ZNF438: variants seen among roughly 807,000 people sequenced by gnomAD.
ZNF438 encodes zinc finger protein 438.
A neutral mutation model predicts 38.0 loss-of-function variants in ZNF438; 25 were observed. That is an observed-to-expected ratio of 0.66 (90% CI 0.48 to 0.92). The LOEUF (loss-of-function observed/expected upper bound fraction) is 0.92. Ranked by LOEUF, ZNF438 falls within the 40% of genes least tolerant of loss-of-function variation. The pLI is 0.00. For missense variants in ZNF438, 1,007 were observed against 999.6 expected (o/e 1.01, Z -0.10); for synonymous variants, 372 against 364.1 (o/e 1.02, Z -0.25).
intron 1 of ZNF438, among the ~76,000 whole-genome samples, chr10:30,982,095 CTT>C (rs149729936): frequency 1.5e-4 from 8 of 52,124 alleles, no homozygotes; most frequent in Non-Finnish European, 2.8e-4. Flanking sequence ...TCCTTTTTCT[CTT>C]TCTTTTTTTT....
intron 1 of ZNF438, among the ~76,000 whole-genome samples, chr10:30,957,558 C>G (rs1432618455): frequency 6.6e-6 from 1 of 152,126 alleles, no homozygotes; most frequent in Non-Finnish European, 1.5e-5. Context: ...AAACAGGTAT[C>G]TAGTTTCTGC....
chr10:31,018,318 G>A (rs2056351415), intron 1 of ZNF438, among the ~76,000 whole-genome samples: 1 of 152,112 alleles, frequency 6.6e-6, no homozygotes, highest in African/African-American at 2.4e-5. Flanking sequence ...AACTCTAATT[G>A]CAAACTGGCT....
intron 3 of ZNF438, among the ~76,000 whole-genome samples, chr10:30,900,492 G>A (rs993517436): frequency 1.8e-4 from 27 of 152,178 alleles, no homozygotes; most frequent in Non-Finnish European, 7.3e-5. Context: ...TACAACAGCA[G>A]CAGCAACTAA....
rs150067138 is a variant in ZNF438 at position 30,848,370 on chromosome 10, C to T, written c.1874+161G>A. Among the ~76,000 whole-genome samples the T allele has an allele frequency of 6.1e-4, 93 of 152,220 alleles. 1 individual carries two copies. Among genetic ancestry groups the T allele is most frequent in the Middle Eastern group, 3.4e-3 (1 of 294 alleles). On this transcript the variant is annotated intron_variant, in intron 5 of 5. Coordinates refer to ENST00000413025, the Ensembl canonical transcript of ZNF438. The stretch of plus-strand genomic sequence containing the variant: ...TGGATGATCAGAAACCAGAGAGAAA[C>T]AAGATCATTCTTCACAGATCTAGGA...
At chr10:30,955,038 T>A (rs2048713324) in intron 1 of ZNF438, among the ~76,000 whole-genome samples, 1 of 152,198 alleles carries the variant, frequency 6.6e-6, no homozygotes, top group African/African-American at 2.4e-5. Flanking sequence ...ATGTTTCCTG[T>A]TTCCCTATTT....
At chr10:30,882,951 T>C (rs1398549760) in intron 3 of ZNF438, among the ~76,000 whole-genome samples, 1 of 152,220 alleles carries the variant, frequency 6.6e-6, no homozygotes, top group Non-Finnish European at 1.5e-5. Flanking sequence ...CATTTATTCA[T>C]TTAACAGATG....
intron 2 of ZNF438, among the ~76,000 whole-genome samples, chr10:30,935,308 C>G (rs897251537): frequency 6.6e-6 from 1 of 152,210 alleles, no homozygotes; most frequent in African/African-American, 2.4e-5. Context: ...TTCTTTGGCT[C>G]ATGGTTCTGC....
intron 1 of ZNF438, among the ~76,000 whole-genome samples, chr10:30,947,410 A>G (rs925330942): frequency 1.3e-5 from 2 of 152,250 alleles, no homozygotes; most frequent in Non-Finnish European, 2.9e-5. Context: ...TAAAATCTTA[A>G]AACATTGCTC....
chr10:30,953,638 AT>A (rs1045547536), intron 1 of ZNF438, among the ~76,000 whole-genome samples: 4 of 125,140 alleles, frequency 3.2e-5, no homozygotes, highest in African/African-American at 6.5e-5. Flanking sequence ...AAATATAATA[AT>A]AAAAAAAAAA....
intron 1 of ZNF438, among the ~76,000 whole-genome samples, chr10:30,949,419 A>G (rs191950117): frequency 3.9e-3 from 586 of 148,594 alleles, no homozygotes; most frequent in African/African-American, 0.015. Flanking sequence ...TTAAATGTAA[A>G]TGGACTAAAT....
At chr10:30,857,258 C>CTTTTT (rs10682942) in intron 4 of ZNF438, among the ~76,000 whole-genome samples, 3 of 135,912 alleles carry the variant, frequency 2.2e-5, no homozygotes, top group East Asian at 2.1e-4. Context: ...TCTAAAATTT[C>CTTTTT]TTTTTTTTTT....
chr10:30,883,808 G>C (rs930027262), intron 3 of ZNF438, among the ~76,000 whole-genome samples: 1 of 152,138 alleles, frequency 6.6e-6, no homozygotes, highest in African/African-American at 2.4e-5. Context: ...ATCCCTTGAC[G>C]ACAGGAGGTT....
chr10:30,920,104 T>C lies in ZNF438; in HGVS notation c.-114-11089A>G, dbSNP rs532787174. 5 of 152,346 alleles carry C rather than the reference T, an allele frequency of 3.3e-5. No homozygotes were observed. In the East Asian group the frequency reaches 7.7e-4, roughly 24 times the overall value. 9.4% of individuals were successfully genotyped at this position (152,346 alleles called of 1,614,324 possible). A position where few individuals can be genotyped will look rare whatever the true frequency, so the allele number is the denominator to read the frequency against. On this transcript the variant is annotated intron_variant, in intron 2 of 5. Coordinates refer to ENST00000413025, the Ensembl canonical transcript of ZNF438. Reference sequence around the variant, plus strand: ...CTCTCCTTCTTCATTACTAACATCATTGGCCCGCATGTACTCTCTCTCTCC... The same window carrying C: ...CTCTCCTTCTTCATTACTAACATCACTGGCCCGCATGTACTCTCTCTCTCC...
intron 4 of ZNF438, among the ~76,000 whole-genome samples, chr10:30,857,264 T>C (rs2133035039): frequency 6.6e-6 from 1 of 151,068 alleles, no homozygotes; most frequent in Non-Finnish European, 1.5e-5. Context: ...ATTTCTTTTT[T>C]TTTTTTTTTT....
intron 2 of ZNF438, among the ~76,000 whole-genome samples, chr10:30,911,314 A>C (rs1295056638): frequency 6.6e-6 from 1 of 152,186 alleles, no homozygotes; most frequent in East Asian, 1.9e-4. Context: ...GTCTTTAAAA[A>C]GCCAGTTGAA....
At chr10:30,928,563 A>C (rs926731117) in intron 2 of ZNF438, among the ~76,000 whole-genome samples, 7 of 147,948 alleles carry the variant, frequency 4.7e-5, no homozygotes, top group African/African-American at 1.7e-4. Context: ...CGTTTGGACA[A>C]AAAAAAAAAA....
intron 4 of ZNF438, among the ~76,000 whole-genome samples, chr10:30,863,701 C>A (rs540413643): frequency 2.0e-5 from 3 of 152,304 alleles, no homozygotes; most frequent in African/African-American, 7.2e-5. Flanking sequence ...GCTATGTGTG[C>A]CTGTGAGTGG....
chr10:30,959,345 G>C (rs2049208237), intron 1 of ZNF438, among the ~76,000 whole-genome samples: 1 of 146,578 alleles, frequency 6.8e-6, no homozygotes, highest in South Asian at 2.2e-4. Flanking sequence ...GTCCCCAGCA[G>C]ACTCCCTTCA....
In ZNF438 at chr10:30,960,475, T is replaced by C. The variant is rs1256400122; in HGVS notation, c.-191-18824A>G. Among the ~76,000 whole-genome samples, 3 of 147,262 alleles carry C rather than the reference T, an allele frequency of 2.0e-5. 1 individual carries two copies. Among genetic ancestry groups the C allele is most frequent in the African/African-American group, 7.3e-5 (3 of 41,158 alleles). The stretch of plus-strand genomic sequence containing the variant: ...TTGTTATTGTGAGGAAGTTAATTTT[T>C]GTATATGATATCCAATTTTTCCAGC... On this transcript the variant is annotated intron_variant, in intron 1 of 5. Coordinates refer to ENST00000413025, the Ensembl canonical transcript of ZNF438.
Sources: allele counts gnomAD v4.1 joint callset (sites outside exome capture counted in the v4.1 genomes callset), GRCh38; gene constraint gnomAD v4.1.1; transcripts MANE v1.5; gene names NCBI Gene and HGNC (gene_info 2026-07-23, HGNC 2026-07-21).